ELMO1: variants seen among roughly 807,000 people sequenced by gnomAD.
ELMO1 encodes the protein engulfment and cell motility 1.
Under a neutral mutation model 98.9 loss-of-function variants are expected in ELMO1, and 26 were observed. That is an observed-to-expected ratio of 0.26 (90% confidence interval 0.19 to 0.36). The LOEUF is 0.36. ELMO1 is among the 10% of genes least tolerant of loss of function. ELMO1 has a pLI of 1.00. For missense variants in ELMO1, 627 were observed against 935.2 expected (o/e 0.67, Z 4.30); for synonymous variants, 346 against 346.0 (o/e 1.00, Z 0.00).
chr7:37,033,102 A>T (rs762724637), intron 15 of ELMO1, among the ~76,000 whole-genome samples: 2 of 152,184 alleles, frequency 1.3e-5, no homozygotes, highest in Non-Finnish European at 2.9e-5. Context: ...TTCCATTTAC[A>T]TTCAGACTCC....
chr7:36,977,709 T>G (rs565045994), intron 16 of ELMO1, among the ~76,000 whole-genome samples: 2 of 152,292 alleles, frequency 1.3e-5, no homozygotes, highest in Non-Finnish European at 2.9e-5. Flanking sequence ...CTCTTAGGTG[T>G]TTAGAGGGGA....
chr7:37,166,821 T>C (rs574206101), intron 13 of ELMO1, among the ~76,000 whole-genome samples: 67 of 152,202 alleles, frequency 4.4e-4, no homozygotes, highest in Admixed American at 1.6e-3. Flanking sequence ...TCTATTGATT[T>C]GGGGAGGAGA....
At chr7:37,437,254 G>A (rs1805189651) in intron 1 of ELMO1, among the ~76,000 whole-genome samples, 1 of 152,110 alleles carries the variant, frequency 6.6e-6, no homozygotes, top group East Asian at 1.9e-4. Context: ...CAAGAAAAGG[G>A]AAAGAGCTCC....
intron 1 of ELMO1, among the ~76,000 whole-genome samples, chr7:37,391,871 C>A (rs1343133109): frequency 6.6e-6 from 1 of 152,224 alleles, no homozygotes; most frequent in African/African-American, 2.4e-5. Flanking sequence ...AAGTGGCCAT[C>A]TGTGCAAGAA....
intron 1 of ELMO1, among the ~76,000 whole-genome samples, chr7:37,432,384 A>C (rs138352694): frequency 2.7e-4 from 41 of 152,328 alleles, no homozygotes; most frequent in African/African-American, 9.9e-4. Flanking sequence ...GAAAGGTCTG[A>C]GAACGTGGTT....
Position 37,351,565 on chromosome 7 carries a change from T to C in ELMO1, c.-73-8802A>G, listed in dbSNP as rs1049803184. Among the ~76,000 whole-genome samples, 7 of 152,228 alleles carry C rather than the reference T, an allele frequency of 4.6e-5. No individual in the cohort carries two copies. In the South Asian group the frequency reaches 1.2e-3, roughly 27 times the overall value. On this transcript the variant is annotated intron_variant, in intron 1 of 21. Transcript: ENST00000310758. ...GGAACAAGGACAGAAGGCCTAGCTA[T>C]GTTCAGTTTCTGTTGAGTTTCCTAA... is the stretch of plus-strand genomic sequence containing the variant.
chr7:37,267,792 C>T (rs532734957), intron 5 of ELMO1, among the ~76,000 whole-genome samples: 3 of 152,144 alleles, frequency 2.0e-5, no homozygotes, highest in East Asian at 1.9e-4. Flanking sequence ...TCTTTTGGGA[C>T]GGTTTCTTGA....
intron 15 of ELMO1, among the ~76,000 whole-genome samples, chr7:37,069,744 A>T (rs73121130): frequency 0.097 from 14,693 of 152,246 alleles, 802 homozygotes; most frequent in Middle Eastern, 0.19. Context: ...TTAGTAATAA[A>T]CTTTGCTAGA....
intron 10 of ELMO1, among the ~76,000 whole-genome samples, chr7:37,219,736 G>C (rs553838017): frequency 6.6e-6 from 1 of 152,288 alleles, no homozygotes; most frequent in East Asian, 1.9e-4. Flanking sequence ...CAGTAACCTG[G>C]TCAAGTTCTT....
chr7:37,156,343 G>A (rs141635367), intron 13 of ELMO1, among the ~76,000 whole-genome samples: 1 of 152,050 alleles, frequency 6.6e-6, no homozygotes, highest in Non-Finnish European at 1.5e-5. Flanking sequence ...AGGAGACAGA[G>A]ATACAAAAAA....
At chr7:37,256,791 G>A (rs2130782458) in intron 6 of ELMO1, among the ~76,000 whole-genome samples, 1 of 148,418 alleles carries the variant, frequency 6.7e-6, no homozygotes, top group Admixed American at 6.7e-5. Context: ...AAGGGAGAAG[G>A]GAGGGAGGGA....
rs376375431 is a variant in ELMO1 at position 36,964,580 on chromosome 7, G to A, written c.1437+48719C>T. On this transcript the variant is annotated intron_variant, in intron 16 of 21. Transcript: ENST00000310758. ...TTAGGTTTAGAATTTAGTAGTAGAT[G>A]TTTCTTTCCTTAAGAATGAAGGGCC... Among the ~76,000 whole-genome samples, 13 of 152,308 alleles carry A rather than the reference G, an allele frequency of 8.5e-5. No individual in the cohort carries two copies. The East Asian group carries it at 1.5e-3, about 18-fold the overall frequency.
intron 1 of ELMO1, among the ~76,000 whole-genome samples, chr7:37,415,650 G>A (rs1348945173): frequency 6.6e-6 from 1 of 152,194 alleles, no homozygotes; most frequent in African/African-American, 2.4e-5. Context: ...GTTTCTTGCT[G>A]TGATTGTAAT....
In ELMO1 at chr7:37,259,168, A is replaced by G. The variant is rs1795850950; in HGVS notation, c.413+13T>C. 5.0e-6 allele frequency: 8 copies of G among 1,600,586 alleles called. No individual in the cohort carries two copies. The highest frequency in any genetic ancestry group is 3.3e-5 in the South Asian group (3 of 90,120). On this transcript the variant is annotated intron_variant, in intron 6 of 21. Coordinates refer to ENST00000310758, the MANE Select transcript of ELMO1 (RefSeq NM_014800.11). ...GCAGGACAGCTGTGGAAGTTAGGAA[A>G]AAAGACGCTTACTCAGTGCCGCTCT...
chr7:37,366,689 T>C (rs1403295833), intron 1 of ELMO1, among the ~76,000 whole-genome samples: 2 of 152,242 alleles, frequency 1.3e-5, no homozygotes, highest in Non-Finnish European at 2.9e-5. Context: ...TATTCCTCTG[T>C]AATCTCCCCC....
intron 1 of ELMO1, among the ~76,000 whole-genome samples, chr7:37,343,454 TCCTCTGCTG>T (rs1038737165): frequency 4.6e-5 from 7 of 151,750 alleles, no homozygotes; most frequent in Non-Finnish European, 8.8e-5. Flanking sequence ...GTAACCATTA[TCCTCTGCTG>T]CCTCTTCCCA....
At chr7:37,046,374 A>C (rs1795797146) in intron 15 of ELMO1, among the ~76,000 whole-genome samples, 1 of 152,164 alleles carries the variant, frequency 6.6e-6, no homozygotes, top group East Asian at 1.9e-4. Context: ...GAATCCCAAG[A>C]TACTAGTCCT....
chr7:36,947,006 G>A (rs1406257332), intron 16 of ELMO1, among the ~76,000 whole-genome samples: 3 of 151,970 alleles, frequency 2.0e-5, no homozygotes, highest in Admixed American at 6.6e-5. Flanking sequence ...GGGGGTACAC[G>A]TGCAGGTTTG....
intron 13 of ELMO1, among the ~76,000 whole-genome samples, chr7:37,205,484 C>G (rs28446507): frequency 0.2 from 29,737 of 152,072 alleles, 3,238 homozygotes; most frequent in Middle Eastern, 0.28. Flanking sequence ...CATATATTTT[C>G]GTATTTTTTC....
Sources: allele counts gnomAD v4.1 joint callset (sites outside exome capture counted in the v4.1 genomes callset), GRCh38; gene constraint gnomAD v4.1.1; transcripts MANE v1.5; gene names NCBI Gene and HGNC (gene_info 2026-07-23, HGNC 2026-07-21).